RUNX1: variants seen among roughly 807,000 people sequenced by gnomAD.
RUNX1 encodes RUNX family transcription factor 1, also known as runt-related transcription factor 1.
A neutral mutation model predicts 42.8 loss-of-function variants in RUNX1; 19 were observed. That is an observed-to-expected ratio of 0.44 (90% confidence interval 0.31 to 0.65). The LOEUF (loss-of-function observed/expected upper bound fraction) is 0.65, where lower values mean the gene tolerates loss of function less well. RUNX1 is among the 30% of genes least tolerant of loss of function. The probability of loss-of-function intolerance (pLI) is 0.07; values close to 1 mark genes in which losing one functional copy is unlikely to be tolerated. For missense variants in RUNX1, 528 were observed against 672.0 expected, an observed-to-expected ratio of 0.79 and a Z score of 2.37; for synonymous variants, 271 against 289.4, an observed-to-expected ratio of 0.94 and a Z score of 0.64.
chr21:34,931,626 G>A (rs184820414), intron 2 of RUNX1, among the ~76,000 whole-genome samples: 22 of 150,452 alleles, frequency 1.5e-4, no homozygotes, highest in Non-Finnish European at 2.9e-4. Flanking sequence ...GAGGAGGGAT[G>A]GCCAAATAAG....
Position 34,929,634 on chromosome 21 carries a change from G to A in RUNX1, c.59-36671C>T, listed in dbSNP as rs1251763736. The stretch of plus-strand genomic sequence containing the variant: ...TGGTTTTGAATAAAATACCAGTGAG[G>A]AAAATTTTTAAAATACTCAATATAT... On this transcript the variant is annotated intron_variant, in intron 2 of 8. Coordinates refer to ENST00000675419, the MANE Select transcript of RUNX1 (RefSeq NM_001754.5). Among the ~76,000 whole-genome samples the A allele has an allele frequency of 3.9e-5, 6 of 152,262 alleles. No homozygotes were observed. In the East Asian group the frequency reaches 1.2e-3, roughly 29 times the overall value.
chr21:34,978,315 G>A (rs1009484630), intron 2 of RUNX1, among the ~76,000 whole-genome samples: 2 of 152,192 alleles, frequency 1.3e-5, no homozygotes, highest in Admixed American at 1.3e-4. Flanking sequence ...TGATAAGTAT[G>A]AGGGTGCTCA....
In RUNX1 at chr21:34,852,030, T is replaced by C. The variant is rs574796268; in HGVS notation, c.613+7444A>G. ...AAAAATACAAAAAATTAGCCGGGCG[T>C]GGTGGCACACACCTGTAGTCCCAGC... On this transcript the variant is annotated intron_variant, in intron 6 of 8. Transcript: ENST00000675419. 5.9e-5 allele frequency among the ~76,000 whole-genome samples: 9 copies of C among 152,212 alleles called. No homozygotes were observed. The East Asian group carries it at 1.5e-3, about 26-fold the overall frequency.
intron 6 of RUNX1, chr21:34,856,446 G>T (rs537007216): frequency 1.3e-4 from 65 of 518,974 alleles, no homozygotes; most frequent in Non-Finnish European, 2.3e-4. Context: ...AGGTCAAAGA[G>T]TCTATAAGAA....
chr21:34,828,738 G>C (rs2146039957), intron 7 of RUNX1, among the ~76,000 whole-genome samples: 1 of 152,226 alleles, frequency 6.6e-6, no homozygotes, highest in South Asian at 2.1e-4. Flanking sequence ...TAGTTATCAT[G>C]GAGGTGGCTT....
At chr21:34,944,069 T>C (rs1354859770) in intron 2 of RUNX1, among the ~76,000 whole-genome samples, 1 of 152,194 alleles carries the variant, frequency 6.6e-6, no homozygotes, top group Non-Finnish European at 1.5e-5. Context: ...AGTGCAGTGG[T>C]GTGATCACAG....
chr21:35,026,068 A>T (rs1030290850), intron 2 of RUNX1, among the ~76,000 whole-genome samples: 5 of 152,132 alleles, frequency 3.3e-5, no homozygotes, highest in Non-Finnish European at 5.9e-5. Context: ...TTCCAAAGGG[A>T]CTCAATCAAC....
Position 34,788,579 on chromosome 21 carries a change from C to T in RUNX1, c.*3556G>A. ...AAAAAAATTGAAAAAAAGTTATAGG[C>T]ATTAACAATATTTTATAATGAAGCT... On this transcript the variant is annotated 3_prime_UTR_variant, in exon 9 of 9. Coordinates refer to ENST00000675419, the MANE Select transcript of RUNX1 (RefSeq NM_001754.5). 4.3e-6 allele frequency: 1 copy of T among 232,940 alleles called. No individual in the cohort carries two copies. Among genetic ancestry groups the T allele is most frequent in the East Asian group, 6.1e-5 (1 of 16,416 alleles). 14.4% of individuals were successfully genotyped at this position (232,940 alleles called of 1,614,324 possible).
At chr21:34,939,172 G>A (rs138010319) in intron 2 of RUNX1, among the ~76,000 whole-genome samples, 2,300 of 152,284 alleles carry the variant, frequency 0.015, 25 homozygotes, top group Middle Eastern at 0.037. Context: ...TGGATCAAAT[G>A]TTAGATTTTC....
At chr21:34,958,063 T>C (rs1252092874) in intron 2 of RUNX1, among the ~76,000 whole-genome samples, 1 of 152,032 alleles carries the variant, frequency 6.6e-6, no homozygotes, top group African/African-American at 2.4e-5. Flanking sequence ...ACAGACAAAT[T>C]TGGGGGCACT....
At chr21:34,902,768 C>G (rs2058187271) in intron 2 of RUNX1, among the ~76,000 whole-genome samples, 2 of 152,192 alleles carry the variant, frequency 1.3e-5, no homozygotes, top group South Asian at 4.1e-4. Context: ...CCAGCCTCAG[C>G]CTCCTCATCC....
At chr21:35,038,375 G>A (rs935022820) in intron 2 of RUNX1, 2 of 356,286 alleles carry the variant, frequency 5.6e-6, no homozygotes, top group East Asian at 1.5e-4. Context: ...TCCTGGAGCT[G>A]AGTGGAGTTT....
chr21:34,868,241 T>TG (rs1456050237), intron 5 of RUNX1, among the ~76,000 whole-genome samples: 1 of 152,132 alleles, frequency 6.6e-6, no homozygotes, highest in African/African-American at 2.4e-5. Flanking sequence ...GATATACACA[T>TG]GCCTGGCGCT....
At chr21:34,903,144 A>G (rs1451517540) in intron 2 of RUNX1, among the ~76,000 whole-genome samples, 1 of 152,192 alleles carries the variant, frequency 6.6e-6, no homozygotes, top group African/African-American at 2.4e-5. Context: ...GTATTCTATA[A>G]TTTACATGGT....
chr21:35,000,189 AT>A (rs907599761), intron 2 of RUNX1, among the ~76,000 whole-genome samples: 2 of 147,284 alleles, frequency 1.4e-5, no homozygotes, highest in African/African-American at 5.0e-5. Flanking sequence ...GTGTCTACTG[AT>A]TTTTTTAAAT....
intron 5 of RUNX1, among the ~76,000 whole-genome samples, chr21:34,867,661 C>T (rs73900572): frequency 0.024 from 3,720 of 152,272 alleles, 143 homozygotes; most frequent in African/African-American, 0.084. Context: ...TGTTCTCATG[C>T]AATCTTGCAT....
Position 34,789,518 on chromosome 21 carries a change from T to C in RUNX1, c.*2617A>G, listed in dbSNP as rs1198507899. ...TGGCTTAAGGGTCTCATTGATACCTTAACTTTCCTGAGGGCAATGAATAAA... is the reference window on the plus strand; with the variant it reads ...TGGCTTAAGGGTCTCATTGATACCTCAACTTTCCTGAGGGCAATGAATAAA... On this transcript the variant is annotated 3_prime_UTR_variant, in exon 9 of 9. Transcript: ENST00000675419. The C allele has an allele frequency of 8.6e-6, 2 of 233,522 alleles. No homozygotes were observed. Among genetic ancestry groups the C allele is most frequent in the South Asian group, 1.8e-4 (1 of 5,530 alleles). The allele number at this position is 233,522 out of a possible 1,614,324, so 14.5% of individuals were successfully genotyped here.
chr21:34,916,170 T>C (rs894513656), intron 2 of RUNX1, among the ~76,000 whole-genome samples: 1 of 152,182 alleles, frequency 6.6e-6, no homozygotes, highest in Non-Finnish European at 1.5e-5. Flanking sequence ...CAGTGGCTCA[T>C]TGGTATTGCA....
chr21:34,949,626 C>A (rs779769821), intron 2 of RUNX1, among the ~76,000 whole-genome samples: 4 of 152,206 alleles, frequency 2.6e-5, no homozygotes, highest in Non-Finnish European at 5.9e-5. Flanking sequence ...AGTAAAACCA[C>A]GAAGGTAGCT....
Sources: allele counts gnomAD v4.1 joint callset (sites outside exome capture counted in the v4.1 genomes callset), GRCh38; gene constraint gnomAD v4.1.1; transcripts MANE v1.5; gene names NCBI Gene and HGNC (gene_info 2026-07-23, HGNC 2026-07-21).